SH3D19: variants seen among roughly 807,000 people sequenced by gnomAD.
SH3D19 encodes the protein SH3 domain-containing protein 19.
A neutral mutation model predicts 112.1 loss-of-function variants in SH3D19; 58 were observed. The observed-to-expected ratio is 0.52, with a 90% CI of 0.42 to 0.64. The LOEUF is 0.64. Among genes scored for constraint, SH3D19 ranks in the 30% least tolerant of loss-of-function variants. The pLI, the probability that SH3D19 is intolerant of heterozygous loss-of-function variation, is 0.00. For missense variants in SH3D19, 1,090 were observed against 1,263.4 expected (o/e 0.86, Z 2.08); for synonymous variants, 391 against 448.5 (o/e 0.87, Z 1.62).
intron 2 of SH3D19, among the ~76,000 whole-genome samples, chr4:151,204,563 TCAAAA>T (rs58547240): frequency 0.82 from 124,566 of 151,580 alleles, 53,038 homozygotes; most frequent in Non-Finnish European, 0.95. Context: ...AATCTCACTT[TCAAAA>T]CAAAACATAT....
At chr4:151,182,778 T>C (rs1485593352) in intron 3 of SH3D19, among the ~76,000 whole-genome samples, 1 of 152,254 alleles carries the variant, frequency 6.6e-6, no homozygotes, top group Non-Finnish European at 1.5e-5. Flanking sequence ...TATCTGCTTA[T>C]ACATTTCATT....
chr4:151,254,286 ATTT>A (rs146365543), intron 1 of SH3D19, among the ~76,000 whole-genome samples: 2 of 140,240 alleles, frequency 1.4e-5, no homozygotes, highest in Non-Finnish European at 3.2e-5. Context: ...TTGAATTATT[ATTT>A]TTTTTATTTT....
intron 1 of SH3D19, among the ~76,000 whole-genome samples, chr4:151,322,773 A>T (rs2097071346): frequency 6.6e-6 from 1 of 152,216 alleles, no homozygotes; most frequent in Non-Finnish European, 1.5e-5. Flanking sequence ...TGGCCTTTGA[A>T]TGAAAAGAAC....
At chr4:151,151,322 C>T (rs1339355907) in intron 9 of SH3D19, among the ~76,000 whole-genome samples, 3 of 151,888 alleles carry the variant, frequency 2.0e-5, no homozygotes, top group Admixed American at 6.6e-5. Context: ...TTTCTAAGTC[C>T]CCAACACACT....
intron 1 of SH3D19, among the ~76,000 whole-genome samples, chr4:151,290,660 G>A (rs914223749): frequency 6.6e-6 from 1 of 152,152 alleles, no homozygotes; most frequent in African/African-American, 2.4e-5. Context: ...CCACTGAATT[G>A]TGTAGTATGT....
At chr4:151,317,037 C>T (rs1185923553) in intron 1 of SH3D19, among the ~76,000 whole-genome samples, 1 of 152,216 alleles carries the variant, frequency 6.6e-6, no homozygotes. Flanking sequence ...GGAACACTGC[C>T]ACATTATCAG....
intron 9 of SH3D19, 125 bp downstream of exon 9, chr4:151,159,115 G>A (rs1365857300): frequency 7.8e-6 from 4 of 510,850 alleles, no homozygotes; most frequent in African/African-American, 6.1e-5. Context: ...TTAGAGACTG[G>A]TCTCTAATAG....
At chr4:151,210,301 A>G (rs917192834) in intron 2 of SH3D19, among the ~76,000 whole-genome samples, 2 of 152,176 alleles carry the variant, frequency 1.3e-5, no homozygotes, top group Non-Finnish European at 2.9e-5. Flanking sequence ...TAATAGAAAA[A>G]GTTTGGTATA....
intron 9 of SH3D19, among the ~76,000 whole-genome samples, chr4:151,154,173 C>T (rs1207113786): frequency 1.2e-4 from 17 of 144,848 alleles, no homozygotes; most frequent in Non-Finnish European, 2.2e-4. Flanking sequence ...ATTCTTGTTG[C>T]CCAGGCTGGA....
At chr4:151,142,659 G>C (rs1579743984) in intron 12 of SH3D19, among the ~76,000 whole-genome samples, 1 of 152,180 alleles carries the variant, frequency 6.6e-6, no homozygotes, top group East Asian at 1.9e-4. Flanking sequence ...CCCATGATCT[G>C]TCTGATTCAA....
At position 151,268,318 on chromosome 4, in the gene SH3D19, G is replaced by A. The variant is rs568810860; in HGVS notation, c.113-42232C>T. ...GGCACTTACTGTGAATGGAGCTTGC[G>A]GGAATAGAAGTTGCTCTGGATGAGT... is the stretch of plus-strand genomic sequence containing the variant. On this transcript the variant is annotated intron_variant, in intron 1 of 19. Coordinates refer to ENST00000604030, the MANE Select transcript of SH3D19 (RefSeq NM_001378122.1). Among the ~76,000 whole-genome samples, 135 of 150,480 alleles carry A rather than the reference G, an allele frequency of 9.0e-4. 1 individual carries two copies. The highest frequency in any genetic ancestry group is 3.2e-3 in the African/African-American group (126 of 39,868).
intron 2 of SH3D19, among the ~76,000 whole-genome samples, chr4:151,202,126 G>C (rs756312578): frequency 3.3e-5 from 5 of 152,110 alleles, no homozygotes; most frequent in Non-Finnish European, 5.9e-5. Flanking sequence ...ACGAGGTCAG[G>C]AGATCGAGAC....
intron 11 of SH3D19, chr4:151,144,375 G>T: frequency 8.4e-7 from 1 of 1,188,956 alleles, no homozygotes; most frequent in Non-Finnish European, 1.3e-6. Flanking sequence ...GCATGTGTGT[G>T]CCTAAAGTGC....
In SH3D19 at chr4:151,325,405, G is replaced by C; in HGVS notation, c.-53C>G. ...ATGGCCAGCGAGCTGCGGCCCCGGC[G>C]CCCCAGAACGCCTGCACCCGGCGCC... On this transcript the variant is annotated 5_prime_UTR_variant, in exon 1 of 20. Transcript: ENST00000604030. 3.1e-6 allele frequency: 3 copies of C among 953,802 alleles called. No individual in the cohort carries two copies. Among genetic ancestry groups the C allele is most frequent in the Non-Finnish European group, 4.0e-6 (3 of 746,884 alleles). 59.1% of individuals were successfully genotyped at this position (953,802 alleles called of 1,614,324 possible). A position where few individuals can be genotyped will look rare whatever the true frequency, so the allele number is the denominator to read the frequency against.
intron 2 of SH3D19, among the ~76,000 whole-genome samples, chr4:151,192,083 A>G (rs1187997361): frequency 6.7e-6 from 1 of 148,870 alleles, no homozygotes; most frequent in East Asian, 2.0e-4. Flanking sequence ...AGCTGGGACT[A>G]CAGGTGCCAC....
chr4:151,247,621 C>T (rs1304877900), intron 1 of SH3D19, among the ~76,000 whole-genome samples: 1 of 152,090 alleles, frequency 6.6e-6, no homozygotes, highest in Non-Finnish European at 1.5e-5. Context: ...AGAACATTCC[C>T]ATCACTCTAG....
intron 1 of SH3D19, among the ~76,000 whole-genome samples, chr4:151,287,375 CCAACT>C (rs1774910021): frequency 6.6e-6 from 1 of 151,152 alleles, no homozygotes; most frequent in Admixed American, 6.6e-5. Flanking sequence ...GGAACACTTC[CCAACT>C]CATTCGAGAT....
rs2126424000 is a variant in SH3D19 at position 151,325,482 on chromosome 4, T to G, written c.-130A>C. The G allele has an allele frequency of 5.5e-6, 2 of 363,502 alleles. No homozygotes were observed. The highest frequency in any genetic ancestry group is 1.4e-4 in the South Asian group (1 of 7,350). The allele number at this position is 363,502 out of a possible 1,614,324, so 22.5% of individuals were successfully genotyped here. ...GAAGGCGGCTCCCGGAGAGGAGGCGTCGGCGGCGGCTGTGGAAATGGCCAC... is the reference window on the plus strand; with the variant it reads ...GAAGGCGGCTCCCGGAGAGGAGGCGGCGGCGGCGGCTGTGGAAATGGCCAC... On this transcript the variant is annotated 5_prime_UTR_variant, in exon 1 of 20. Coordinates refer to ENST00000604030, the MANE Select transcript of SH3D19 (RefSeq NM_001378122.1).
rs565612191 is a variant in SH3D19 at position 151,181,219 on chromosome 4, C to G, written c.194-1822G>C. On this transcript the variant is annotated intron_variant, in intron 3 of 19. Transcript: ENST00000604030. ...GTTGCTTTCATATCTCAGTAATACT[C>G]AACTTGTTCAATTCTTCCTATTTGA... is the stretch of plus-strand genomic sequence containing the variant. Among the ~76,000 whole-genome samples, 3 of 152,282 alleles carry G rather than the reference C, an allele frequency of 2.0e-5. No individual in the cohort carries two copies. In the South Asian group the frequency reaches 6.2e-4, roughly 32 times the overall value.
Sources: gnomAD v4.1 joint callset for allele counts (sites outside exome capture counted in the v4.1 genomes callset) on GRCh38, gnomAD v4.1.1 for gene constraint, MANE v1.5 for transcripts, NCBI Gene and HGNC (gene_info 2026-07-23, HGNC 2026-07-21) for gene names.